The following BAIAP2L2 variants were observed in gnomAD, a reference collection of about 807,000 sequenced individuals.
The protein encoded by BAIAP2L2 is BAR/IMD domain-containing adapter protein 2-like 2.
A neutral mutation model predicts 60.4 loss-of-function variants in BAIAP2L2; 65 were observed. The observed-to-expected ratio is 1.08, with a 90% CI of 0.88 to 1.32. The LOEUF (loss-of-function observed/expected upper bound fraction) is 1.32. BAIAP2L2 is among the 40% of genes most tolerant of loss of function. BAIAP2L2 has a pLI of 0.00. For synonymous variants in BAIAP2L2, 344 were observed against 301.7 expected, an observed-to-expected ratio of 1.14 and a Z score of -1.45; for missense variants, 836 against 741.2, an observed-to-expected ratio of 1.13 and a Z score of -1.48.
chr22:38,103,698 A>G (rs993227008), intron 4 of BAIAP2L2, among the ~76,000 whole-genome samples: 37 of 152,218 alleles, frequency 2.4e-4, no homozygotes, highest in African/African-American at 8.9e-4. Flanking sequence ...CCCCGTCTCT[A>G]CTAAAAATAT....
chr22:38,105,347 T>G (rs2086644333), intron 4 of BAIAP2L2, among the ~76,000 whole-genome samples: 2 of 149,244 alleles, frequency 1.3e-5, no homozygotes, highest in South Asian at 4.2e-4. Context: ...TTCTTTTTTT[T>G]TTTTTTTTTT....
At chr22:38,108,510 A>G (rs2086716084) in intron 2 of BAIAP2L2, among the ~76,000 whole-genome samples, 169 bp from the exon 3 acceptor site, 1 of 152,096 alleles carries the variant, frequency 6.6e-6, no homozygotes, top group South Asian at 2.1e-4. Flanking sequence ...GTGCAGGGGC[A>G]TAAGGTGAGG....
At chr22:38,110,731 G>A (rs893811269), upstream of BAIAP2L2, 14 of 552,170 alleles carry the variant, frequency 2.5e-5, no homozygotes, top group Admixed American at 6.8e-5. Context: ...GATCTGGGGC[G>A]TAACCAGATC....
Position 38,085,374 on chromosome 22 carries a change from C to A in BAIAP2L2, c.1516G>T (p.Gly506Cys). The change falls in exon 14 of 14, where the codon GGC becomes TGC. Residue 506 changes from glycine to cysteine, a missense_variant and splice_region_variant. Coordinates refer to ENST00000381669, the MANE Select transcript of BAIAP2L2 (RefSeq NM_025045.6). ...QYPPQELFPR[G>C]TNPFATVKLR... The stretch of plus-strand genomic sequence containing the variant: ...TTGACAGTGGCAAAAGGATTTGTGC[C>A]CCTGTAGGAGGAGAGAGAGAATGGG... The A allele has an allele frequency of 1.2e-6, 2 of 1,613,660 alleles. No homozygotes were observed. Among genetic ancestry groups the A allele is most frequent in the South Asian group, 2.2e-5 (2 of 91,024 alleles).
intron 8 of BAIAP2L2, 98 bp downstream of exon 8, chr22:38,089,424 C>A (rs1475252465): frequency 3.1e-5 from 21 of 688,166 alleles, no homozygotes; most frequent in Non-Finnish European, 4.0e-5. Context: ...GAGCGGGAGC[C>A]TGGGGGGCAG....
At chr22:38,089,052 CGCCTCT>C (rs2086193551) in intron 9 of BAIAP2L2, 38 bp downstream of exon 9, 1 of 1,393,170 alleles carries the variant, frequency 7.2e-7, no homozygotes, top group African/African-American at 1.5e-5. Context: ...CCCACCCCCG[CGCCTCT>C]CCCGGCCCTC....
At chr22:38,087,086 C>A in intron 11 of BAIAP2L2, 38 bp downstream of exon 11, 1 of 1,488,002 alleles carries the variant, frequency 6.7e-7, no homozygotes, top group Non-Finnish European at 8.9e-7. Context: ...CCCTTGCCGG[C>A]GTCCTCACCC....
At chr22:38,095,896 A>G (rs2086416957) in intron 7 of BAIAP2L2, among the ~76,000 whole-genome samples, 1 of 152,258 alleles carries the variant, frequency 6.6e-6, no homozygotes, top group South Asian at 2.1e-4. Context: ...TAACTCAACC[A>G]AACTGACAAG....
chr22:38,088,648 G>A, intron 10 of BAIAP2L2, 100 bp downstream of exon 10: 3 of 1,240,464 alleles, frequency 2.4e-6, no homozygotes, highest in South Asian at 1.6e-5. Flanking sequence ...GAGGCCCCCG[G>A]GGGAGGCCAG....
chr22:38,091,526 A>G (rs1052912299), intron 7 of BAIAP2L2: 1 of 152,222 alleles, frequency 6.6e-6, no homozygotes, highest in Non-Finnish European at 1.5e-5. Flanking sequence ...ACTATGTACC[A>G]CAAAAATTAA....
chr22:38,097,957 C>T lies in BAIAP2L2; in HGVS notation c.465+106G>A. On this transcript the variant is annotated intron_variant, in intron 6 of 13. Transcript: ENST00000381669. ...CGCTCATCACAGTTGGGCTGGTGCT[C>T]GGTGGGGGAGCTCAGGGAGGCGTTC... 4.7e-6 allele frequency: 5 copies of T among 1,066,168 alleles called. 1 individual carries two copies. Among genetic ancestry groups the T allele is most frequent in the South Asian group, 1.4e-5 (1 of 73,524 alleles). The allele number at this position is 1,066,168 out of a possible 1,614,324, so 66.0% of individuals were successfully genotyped here.
At chr22:38,089,283 G>GCCCCCCCC in intron 8 of BAIAP2L2, 52 bp from the exon 9 acceptor site, 1 of 145,680 alleles carries the variant, frequency 6.9e-6, no homozygotes, top group Non-Finnish European at 1.3e-5. Flanking sequence ...GGGGGGCGGG[G>GCCCCCCCC]CCGCGCCCTA....
chr22:38,086,177 G>A (rs931584815), intron 12 of BAIAP2L2, 65 bp downstream of exon 12: 51 of 1,522,856 alleles, frequency 3.3e-5, no homozygotes, highest in African/African-American at 2.1e-4. Context: ...ACAGAGCCTC[G>A]GGATCCCTGC....
At chr22:38,099,170 C>T (rs1306382085) in intron 4 of BAIAP2L2, among the ~76,000 whole-genome samples, 2 of 152,224 alleles carry the variant, frequency 1.3e-5, no homozygotes, top group Non-Finnish European at 2.9e-5. Context: ...GTTCTGCCTC[C>T]TATTTGCTTT....
chr22:38,089,368 C>A (rs1311707421), intron 8 of BAIAP2L2, 137 bp from the exon 9 acceptor site: 2 of 563,316 alleles, frequency 3.6e-6, no homozygotes, highest in African/African-American at 2.1e-5. Flanking sequence ...CACGGGGGCG[C>A]GGAGAACGCG....
Position 38,110,630 on chromosome 22 carries a change from G to T in BAIAP2L2, c.-105C>A, listed in dbSNP as rs1301779231. 2.1e-6 allele frequency: 2 copies of T among 934,304 alleles called. No individual in the cohort carries two copies. The highest frequency in any genetic ancestry group is 3.2e-6 in the Non-Finnish European group (2 of 630,218). The allele number at this position is 934,304 out of a possible 1,614,324, so 57.9% of individuals were successfully genotyped here. A position where few individuals can be genotyped will look rare whatever the true frequency, so the allele number is the denominator to read the frequency against. ...TCAGGTGCCCACGACTCAGCTGGCA[G>T]CGAGGAAGCCTCGGAGAGGGACCTG... On this transcript the variant is annotated 5_prime_UTR_variant, in exon 1 of 14. The change creates a new upstream start codon in the 5' untranslated region. Coordinates refer to ENST00000381669, the MANE Select transcript of BAIAP2L2 (RefSeq NM_025045.6).
chr22:38,085,433 G>T (rs1404284809), intron 13 of BAIAP2L2, 58 bp from the exon 14 acceptor site: 117 of 1,555,162 alleles, frequency 7.5e-5, no homozygotes, highest in Non-Finnish European at 1.0e-4. Context: ...CCTGGCCATG[G>T]CTCAGGAAGG....
At chr22:38,098,539 G>T in intron 4 of BAIAP2L2, 57 bp from the exon 5 acceptor site, 1 of 1,405,850 alleles carries the variant, frequency 7.1e-7, no homozygotes, top group Non-Finnish European at 1.0e-6. Context: ...CCAGGCCCCA[G>T]CACCCCCTTG....
chr22:38,097,274 C>A (rs1569225533), intron 6 of BAIAP2L2, 96 bp from the exon 7 acceptor site: 4 of 1,400,612 alleles, frequency 2.9e-6, no homozygotes, highest in Non-Finnish European at 3.9e-6. Context: ...CCCTGTTCTT[C>A]CTGACTGCCC....
Sources: gnomAD v4.1 joint callset for allele counts (sites outside exome capture counted in the v4.1 genomes callset) on GRCh38, gnomAD v4.1.1 for gene constraint, MANE v1.5 for transcripts, NCBI Gene and HGNC (gene_info 2026-07-23, HGNC 2026-07-21) for gene names.